RSU1: variants seen among roughly 807,000 people sequenced by gnomAD.
RSU1 encodes the protein rsu-1.
RSU1 carries 26 observed loss-of-function variants against 31.1 expected under a neutral mutation model. The observed-to-expected ratio is 0.84, with a 90% confidence interval of 0.61 to 1.16. The LOEUF (loss-of-function observed/expected upper bound fraction) is 1.16, where lower values mean the gene tolerates loss of function less well. RSU1 is among the 50% of genes most tolerant of loss of function. The pLI is 0.00. For missense variants in RSU1, 320 were observed against 339.1 expected (o/e 0.94, Z 0.44); for synonymous variants, 164 against 136.3 (o/e 1.20, Z -1.41).
intron 8 of RSU1, among the ~76,000 whole-genome samples, chr10:16,693,853 C>T (rs1835617482): frequency 6.6e-6 from 1 of 151,862 alleles, no homozygotes; most frequent in Non-Finnish European, 1.5e-5. Flanking sequence ...ACAGTGAGAC[C>T]CTGTCTCTTA....
At chr10:16,812,832 C>G (rs74701737) in intron 2 of RSU1, among the ~76,000 whole-genome samples, 1,849 of 152,234 alleles carry the variant, frequency 0.012, 19 homozygotes, top group Middle Eastern at 0.024. Context: ...AGCTGGGATT[C>G]TGTCTCTATG....
chr10:16,722,555 G>A (rs544238424), intron 7 of RSU1, among the ~76,000 whole-genome samples: 1 of 152,190 alleles, frequency 6.6e-6, no homozygotes, highest in African/African-American at 2.4e-5. Flanking sequence ...TTTATCATCT[G>A]GGGTATCAGG....
intron 8 of RSU1, among the ~76,000 whole-genome samples, chr10:16,637,267 T>G (rs1186845421): frequency 1.3e-5 from 2 of 152,308 alleles, no homozygotes; most frequent in East Asian, 3.9e-4. Flanking sequence ...TAAACATTCA[T>G]GAACATGCCA....
chr10:16,638,770 G>A (rs45550932), intron 8 of RSU1, among the ~76,000 whole-genome samples: 28,370 of 152,158 alleles, frequency 0.19, 4,131 homozygotes, highest in African/African-American at 0.4. Context: ...TGGGGTGCAC[G>A]GAGGAGGGCC....
At chr10:16,649,292 CAG>C (rs1367437989) in intron 8 of RSU1, among the ~76,000 whole-genome samples, 3 of 152,122 alleles carry the variant, frequency 2.0e-5, no homozygotes, top group African/African-American at 7.2e-5. Context: ...GTCTCCTTCT[CAG>C]AGATATGCAT....
At chr10:16,636,127 C>G (rs1834341120) in intron 8 of RSU1, among the ~76,000 whole-genome samples, 1 of 152,142 alleles carries the variant, frequency 6.6e-6, no homozygotes, top group South Asian at 2.1e-4. Context: ...CCAGACTCAT[C>G]ATTATCAACC....
intron 8 of RSU1, among the ~76,000 whole-genome samples, chr10:16,664,120 C>T (rs1834941629): frequency 6.6e-6 from 1 of 152,186 alleles, no homozygotes; most frequent in Non-Finnish European, 1.5e-5. Context: ...ATATACTGCA[C>T]AGAAGCATCT....
chr10:16,677,731 A>G (rs1002270081), intron 8 of RSU1, among the ~76,000 whole-genome samples: 6 of 152,210 alleles, frequency 3.9e-5, no homozygotes, highest in African/African-American at 1.4e-4. Context: ...AGAAAACTTA[A>G]AATAATATAG....
intron 3 of RSU1, among the ~76,000 whole-genome samples, chr10:16,766,772 G>T (rs567346005): frequency 1.3e-5 from 2 of 151,804 alleles, no homozygotes; most frequent in South Asian, 4.2e-4. Flanking sequence ...CCAGCACTTT[G>T]GGAGGCTGAG....
rs113657359 is a variant in RSU1 at position 16,600,554 on chromosome 10, GT to G, written c.732-7059del. 6.6e-3 allele frequency among the ~76,000 whole-genome samples: 894 copies of G among 135,852 alleles called. 5 individuals carry two copies. The highest frequency in any genetic ancestry group is 0.02 in the African/African-American group (686 of 33,486). The allele number at this position is 135,852 out of a possible 152,430, so 89.1% of individuals were successfully genotyped here. A position where few individuals can be genotyped will look rare whatever the true frequency, so the allele number is the denominator to read the frequency against. On this transcript the variant is annotated intron_variant, in intron 8 of 8. Coordinates refer to ENST00000345264, the MANE Select transcript of RSU1 (RefSeq NM_012425.4). ...GCATGATTTTCTATTACTGACACGT[GT>G]TTTTTTTTTTTTAGGGGGGGGTGGT... is the stretch of plus-strand genomic sequence containing the variant.
rs140751718 is a variant in RSU1 at position 16,751,070 on chromosome 10, T to C, written c.598+1469A>G. On this transcript the variant is annotated intron_variant, in intron 7 of 8. Coordinates refer to ENST00000345264, the MANE Select transcript of RSU1 (RefSeq NM_012425.4). Reference sequence around the variant, plus strand: ...TTTGTAGAGACGGGGTTTCACCATGTTGCACAGGCTGGTCTCAGACTCCTG... The same window carrying C: ...TTTGTAGAGACGGGGTTTCACCATGCTGCACAGGCTGGTCTCAGACTCCTG... Among the ~76,000 whole-genome samples the C allele has an allele frequency of 4.2e-3, 645 of 152,228 alleles. 7 individuals carry two copies. Among genetic ancestry groups the C allele is most frequent in the African/African-American group, 0.014 (577 of 41,560 alleles).
chr10:16,735,325 G>A (rs1387896196), intron 7 of RSU1, among the ~76,000 whole-genome samples: 3 of 152,206 alleles, frequency 2.0e-5, no homozygotes, highest in African/African-American at 7.2e-5. Context: ...CGCTATGTCT[G>A]CTATGGAATC....
chr10:16,595,065 G>A (rs1204043334), intron 8 of RSU1, among the ~76,000 whole-genome samples: 1 of 151,754 alleles, frequency 6.6e-6, no homozygotes, highest in Non-Finnish European at 1.5e-5. Context: ...ATTCAGGCGT[G>A]AGCCACCATG....
chr10:16,730,644 G>A (rs1216323980), intron 7 of RSU1, among the ~76,000 whole-genome samples: 2 of 152,140 alleles, frequency 1.3e-5, no homozygotes, highest in Non-Finnish European at 2.9e-5. Flanking sequence ...GCAGCAAAAG[G>A]TTACTTGATA....
chr10:16,791,581 T>A (rs12355366), intron 2 of RSU1, among the ~76,000 whole-genome samples: 1 of 144,848 alleles, frequency 6.9e-6, no homozygotes, highest in Non-Finnish European at 1.5e-5. Context: ...GTGACCGACA[T>A]CACACCACTG....
chr10:16,711,784 A>G (rs1410606765), intron 7 of RSU1, among the ~76,000 whole-genome samples: 1 of 152,154 alleles, frequency 6.6e-6, no homozygotes, highest in Non-Finnish European at 1.5e-5. Flanking sequence ...ATCTGTTAAG[A>G]TTTGTTTTGT....
chr10:16,653,771 C>A (rs899614396), intron 8 of RSU1, among the ~76,000 whole-genome samples: 1 of 151,940 alleles, frequency 6.6e-6, no homozygotes, highest in African/African-American at 2.4e-5. Context: ...GAGCATACTA[C>A]CTGTGCATTA....
chr10:16,697,987 C>CTTTTTTTTTT (rs67816326), intron 7 of RSU1, among the ~76,000 whole-genome samples: 22 of 99,576 alleles, frequency 2.2e-4, no homozygotes, highest in East Asian at 2.0e-3. Context: ...AGGAACACAC[C>CTTTTTTTTTT]TTTTTTTTTT....
chr10:16,720,254 T>C (rs1017794820), intron 7 of RSU1, among the ~76,000 whole-genome samples: 5 of 152,246 alleles, frequency 3.3e-5, no homozygotes, highest in Non-Finnish European at 4.4e-5. Flanking sequence ...AACCAGTACC[T>C]AACCATAGTT....
Sources: allele counts gnomAD v4.1 joint callset (sites outside exome capture counted in the v4.1 genomes callset), GRCh38; gene constraint gnomAD v4.1.1; transcripts MANE v1.5; gene names NCBI Gene and HGNC (gene_info 2026-07-23, HGNC 2026-07-21).